The following XKR4 variants were observed in gnomAD, a reference collection of about 807,000 sequenced individuals.
XKR4 encodes XK-related protein 4.
In XKR4, 12 loss-of-function variants were observed where a neutral mutation model predicts 53.9. The ratio of observed to expected loss-of-function variants is 0.22; its 90% CI spans 0.14 to 0.36. The LOEUF is 0.36. Among genes scored for constraint, XKR4 ranks in the 10% least tolerant of loss-of-function variants. XKR4 has a pLI of 1.00. For missense variants in XKR4, 799 were observed against 859.5 expected (o/e 0.93, Z 0.88); for synonymous variants, 354 against 362.4 (o/e 0.98, Z 0.26).
chr8:55,485,620 C>G (rs1046203053), intron 2 of XKR4, among the ~76,000 whole-genome samples: 1 of 152,130 alleles, frequency 6.6e-6, no homozygotes, highest in Admixed American at 6.6e-5. Flanking sequence ...CTCCTGCCCC[C>G]CTCAGCCTCC....
chr8:55,395,185 G>A (rs1804497791), intron 2 of XKR4, among the ~76,000 whole-genome samples: 1 of 152,090 alleles, frequency 6.6e-6, no homozygotes, highest in Non-Finnish European at 1.5e-5. Flanking sequence ...GAGAAGGAAA[G>A]GAAAGTTAGG....
chr8:55,472,204 G>A (rs915929139), intron 2 of XKR4, among the ~76,000 whole-genome samples: 1 of 152,016 alleles, frequency 6.6e-6, no homozygotes, highest in East Asian at 1.9e-4. Context: ...GGGATTAGAT[G>A]GTAGATTAGC....
At chr8:55,328,986 G>A (rs571670817) in intron 1 of XKR4, among the ~76,000 whole-genome samples, 2 of 152,208 alleles carry the variant, frequency 1.3e-5, no homozygotes, top group East Asian at 1.9e-4. Context: ...CTGGCACAAG[G>A]GTCCCTGATT....
In XKR4 at chr8:55,528,120, T is replaced by C. The variant is rs1008428637; in HGVS notation, c.*3893T>C. 12 of 152,352 alleles carry C rather than the reference T, an allele frequency of 7.9e-5. No individual in the cohort carries two copies. The highest frequency in any genetic ancestry group is 4.6e-4 in the Admixed American group (7 of 15,306). 9.4% of individuals were successfully genotyped at this position (152,352 alleles called of 1,614,324 possible). ...ATGCATATAAATTGTACATAAACTT[T>C]TTAGAAAAGAAGCATTTTCCTGCTC... is the stretch of plus-strand genomic sequence containing the variant. On this transcript the variant is annotated 3_prime_UTR_variant, in exon 3 of 3. Transcript: ENST00000327381.
chr8:55,541,065 T>C lies in XKR4; in HGVS notation c.*16838T>C, dbSNP rs1209439976. 2 of 152,254 alleles carry C rather than the reference T, an allele frequency of 1.3e-5. No individual in the cohort carries two copies. The highest frequency in any genetic ancestry group is 4.8e-5 in the African/African-American group (2 of 41,464). The allele number at this position is 152,254 out of a possible 1,614,324, so 9.4% of individuals were successfully genotyped here. The stretch of plus-strand genomic sequence containing the variant: ...CAAGGATTTTTGCTACCAATATTTG[T>C]TCTTAATTCTCCAGTTATTTTAAGT... On this transcript the variant is annotated 3_prime_UTR_variant, in exon 3 of 3. Coordinates refer to ENST00000327381, the MANE Select transcript of XKR4 (RefSeq NM_052898.2).
chr8:55,139,942 T>C, intron 1 of XKR4: 2 of 221,520 alleles, frequency 9.0e-6, no homozygotes, highest in Non-Finnish European at 9.2e-6. Flanking sequence ...ATCCTTAATT[T>C]ACCAAGTTTT....
intron 1 of XKR4, among the ~76,000 whole-genome samples, chr8:55,200,473 A>G (rs959829535): frequency 1.2e-4 from 19 of 152,250 alleles, no homozygotes; most frequent in African/African-American, 4.1e-4. Context: ...TGGATAATTT[A>G]GGCAATCCTA....
At chr8:55,489,968 T>C (rs369202980) in intron 2 of XKR4, among the ~76,000 whole-genome samples, 2 of 152,312 alleles carry the variant, frequency 1.3e-5, no homozygotes, top group African/African-American at 4.8e-5. Context: ...CATTTACATG[T>C]GTTATAAACC....
intron 1 of XKR4, among the ~76,000 whole-genome samples, chr8:55,257,329 A>T (rs539383947): frequency 6.6e-6 from 1 of 152,286 alleles, no homozygotes; most frequent in Admixed American, 6.5e-5. Flanking sequence ...ACAGTTGAAA[A>T]TTTAAAAATA....
At chr8:55,273,679 C>T (rs868618043) in intron 1 of XKR4, among the ~76,000 whole-genome samples, 22 of 152,124 alleles carry the variant, frequency 1.4e-4, no homozygotes, top group African/African-American at 4.6e-4. Flanking sequence ...AAGACAGCTC[C>T]GACTCCCTAT....
At position 55,275,601 on chromosome 8, in the gene XKR4, C is replaced by T. The variant is rs532315433; in HGVS notation, c.807-82077C>T. Among the ~76,000 whole-genome samples, 20 of 152,256 alleles carry T rather than the reference C, an allele frequency of 1.3e-4. No individual in the cohort carries two copies. In the East Asian group the frequency reaches 3.5e-3, roughly 26 times the overall value. On this transcript the variant is annotated intron_variant, in intron 1 of 2. Coordinates refer to ENST00000327381, the MANE Select transcript of XKR4 (RefSeq NM_052898.2). The stretch of plus-strand genomic sequence containing the variant: ...GATCATCCTAAGAATAAATACATCC[C>T]CCATTGCAGAATCTAGATCTGCAAC...
At chr8:55,481,120 G>C (rs1350601109) in intron 2 of XKR4, among the ~76,000 whole-genome samples, 1 of 152,156 alleles carries the variant, frequency 6.6e-6, no homozygotes, top group East Asian at 1.9e-4. Flanking sequence ...AACAAAGCCA[G>C]AGGCATCACA....
chr8:55,518,306 C>A (rs936727999), intron 2 of XKR4, among the ~76,000 whole-genome samples: 1 of 152,142 alleles, frequency 6.6e-6, no homozygotes, highest in Non-Finnish European at 1.5e-5. Context: ...AAGAACCATG[C>A]AAATCTTTTG....
chr8:55,116,712 G>A (rs1375647958), intron 1 of XKR4, among the ~76,000 whole-genome samples: 1 of 152,146 alleles, frequency 6.6e-6, no homozygotes, highest in Non-Finnish European at 1.5e-5. Flanking sequence ...TTTCATGTAA[G>A]AGCTGGTGTT....
intron 2 of XKR4, among the ~76,000 whole-genome samples, chr8:55,504,561 G>A (rs141268285): frequency 1.1e-4 from 17 of 152,148 alleles, no homozygotes; most frequent in African/African-American, 4.1e-4. Flanking sequence ...TGGTATAAAG[G>A]TAATTCTTGA....
chr8:55,173,932 A>G (rs1367078636), intron 1 of XKR4, among the ~76,000 whole-genome samples: 3 of 152,220 alleles, frequency 2.0e-5, no homozygotes, highest in Non-Finnish European at 2.9e-5. Context: ...AAGATAAAGA[A>G]ATTGACATAT....
In XKR4 at chr8:55,528,399, G is replaced by T. The variant is rs1176880441; in HGVS notation, c.*4172G>T. 1 of 152,202 alleles carries T rather than the reference G, an allele frequency of 6.6e-6. No individual in the cohort carries two copies. The highest frequency in any genetic ancestry group is 1.5e-5 in the Non-Finnish European group (1 of 68,042). The allele number at this position is 152,202 out of a possible 1,614,324, so 9.4% of individuals were successfully genotyped here. On this transcript the variant is annotated 3_prime_UTR_variant, in exon 3 of 3. Transcript: ENST00000327381. ...CAGGATTGTGTAAGGTTACACATTT[G>T]CTTTTAAATATACCAAATGCCGTTG... is the stretch of plus-strand genomic sequence containing the variant.
chr8:55,533,199 G>A lies in XKR4; in HGVS notation c.*8972G>A, dbSNP rs1351141249. ...CATTGCCATTGTGAGTCTAGAAAATGAGCACTTTGTGTGTTGAGCGCTGTT... is the reference window on the plus strand; with the variant it reads ...CATTGCCATTGTGAGTCTAGAAAATAAGCACTTTGTGTGTTGAGCGCTGTT... On this transcript the variant is annotated 3_prime_UTR_variant, in exon 3 of 3. Transcript: ENST00000327381. 6 of 152,276 alleles carry A rather than the reference G, an allele frequency of 3.9e-5. No individual in the cohort carries two copies. The East Asian group carries it at 1.2e-3, about 29-fold the overall frequency. The allele number at this position is 152,276 out of a possible 1,614,324, so 9.4% of individuals were successfully genotyped here. A position where few individuals can be genotyped will look rare whatever the true frequency, so the allele number is the denominator to read the frequency against.
intron 1 of XKR4, among the ~76,000 whole-genome samples, chr8:55,246,153 A>G (rs1342701788): frequency 2.0e-5 from 3 of 152,066 alleles, no homozygotes; most frequent in African/African-American, 7.2e-5. Flanking sequence ...GATGGTGCCT[A>G]CTTTGTTTTT....
Sources: gnomAD v4.1 joint callset for allele counts (sites outside exome capture counted in the v4.1 genomes callset) on GRCh38, gnomAD v4.1.1 for gene constraint, MANE v1.5 for transcripts, NCBI Gene and HGNC (gene_info 2026-07-23, HGNC 2026-07-21) for gene names.